SAMHD1: variants seen among roughly 807,000 people sequenced by gnomAD.
The protein encoded by SAMHD1 is deoxynucleoside triphosphate triphosphohydrolase SAMHD1.
Under a neutral mutation model 79.6 loss-of-function variants are expected in SAMHD1, and 54 were observed. That is an observed-to-expected ratio of 0.68 (90% confidence interval 0.55 to 0.85). The LOEUF (loss-of-function observed/expected upper bound fraction) is 0.85. Ranked by LOEUF, SAMHD1 falls within the 40% of genes least tolerant of loss-of-function variation. The pLI is 0.00. For synonymous variants in SAMHD1, 260 were observed against 264.1 expected (o/e 0.98, Z 0.15); for missense variants, 663 against 782.7 (o/e 0.85, Z 1.82).
At position 36,927,234 on chromosome 20, in the gene SAMHD1, T is replaced by C. The variant is rs772029258; in HGVS notation, c.644A>G (p.His215Arg). ...TGGAATAAATCGTCCATCAAACATG[T>C]GAGAAAATGGCCCATGACCTTAAAA... The part of the protein sequence containing the change: ...CHDLGHGPFS[H>R]MFDGRFIPLA... Residue 215 changes from histidine (H) to arginine (R), a missense_variant, in exon 6 of 16, where the codon CAC becomes CGC. His to Arg is a conservative substitution (Grantham distance 29). Coordinates refer to ENST00000646673, the MANE Select transcript of SAMHD1 (RefSeq NM_015474.4). 1 of 1,611,506 alleles carries C rather than the reference T, an allele frequency of 6.2e-7. No individual in the cohort carries two copies. The highest frequency in any genetic ancestry group is 1.1e-5 in the South Asian group (1 of 91,032).
chr20:36,924,665 T>C (rs1335344520), intron 6 of SAMHD1, among the ~76,000 whole-genome samples: 4 of 152,188 alleles, frequency 2.6e-5, no homozygotes, highest in Non-Finnish European at 5.9e-5. Context: ...ATTGCTGTTC[T>C]ATTTCAATGC....
intron 3 of SAMHD1, among the ~76,000 whole-genome samples, chr20:36,936,193 T>C (rs1000526140): frequency 6.6e-6 from 1 of 151,990 alleles, no homozygotes; most frequent in Admixed American, 6.6e-5. Context: ...TAACCTACTA[T>C]TGTGCCACAA....
chr20:36,947,085 C>T (rs150168125), intron 1 of SAMHD1: 2 of 334,404 alleles, frequency 6.0e-6, no homozygotes, highest in South Asian at 2.9e-5. Flanking sequence ...AAGTGAAACC[C>T]GACTACCTGT....
intron 2 of SAMHD1, among the ~76,000 whole-genome samples, chr20:36,943,817 C>G (rs1392523126): frequency 1.3e-5 from 2 of 152,092 alleles, no homozygotes; most frequent in Non-Finnish European, 2.9e-5. Context: ...CAGTGGCTCA[C>G]GCCTGTAATC....
rs116819100 is a variant in SAMHD1, at chr20:36,936,747, T to C, written c.349-1558A>G. Among the ~76,000 whole-genome samples the C allele has an allele frequency of 3.9e-3, 597 of 151,700 alleles. 2 individuals carry two copies. Among genetic ancestry groups the C allele is most frequent in the Middle Eastern group, 0.014 (4 of 290 alleles). On this transcript the variant is annotated intron_variant, in intron 3 of 15. Coordinates refer to ENST00000646673, the MANE Select transcript of SAMHD1 (RefSeq NM_015474.4). ...TAAGCTGGAGTACAATCAGGGCTCA[T>C]TGTAACCTCTGCCTCCCAAGTTCAA... is the stretch of plus-strand genomic sequence containing the variant.
intron 10 of SAMHD1, chr20:36,912,059 T>C (rs968170261): frequency 4.6e-5 from 11 of 239,846 alleles, no homozygotes; most frequent in Non-Finnish European, 8.3e-5. Context: ...AAATAGACAT[T>C]AATCTTAATC....
chr20:36,919,996 C>G (rs1233709719), intron 6 of SAMHD1, among the ~76,000 whole-genome samples: 1 of 152,156 alleles, frequency 6.6e-6, no homozygotes, highest in African/African-American at 2.4e-5. Context: ...TCTCTCTCTG[C>G]TCACTCATTC....
chr20:36,919,266 T>C, intron 7 of SAMHD1, 98 bp downstream of exon 7: 2 of 1,123,824 alleles, frequency 1.8e-6, no homozygotes, highest in Non-Finnish European at 2.7e-6. Context: ...TTTTATCATT[T>C]AGCCTCTAAA....
intron 3 of SAMHD1, 116 bp downstream of exon 3, chr20:36,940,923 C>G: frequency 2.6e-6 from 2 of 769,218 alleles, no homozygotes; most frequent in South Asian, 1.5e-5. Context: ...AGATCCACTA[C>G]TCACAATTCT....
intron 3 of SAMHD1, among the ~76,000 whole-genome samples, chr20:36,935,678 C>T (rs2063598526): frequency 1.3e-5 from 2 of 151,498 alleles, no homozygotes; most frequent in Non-Finnish European, 2.9e-5. Context: ...TCAAGCTATT[C>T]TCCTGCCTCA....
At chr20:36,900,747 T>A (rs552467175) in intron 13 of SAMHD1, among the ~76,000 whole-genome samples, 17 of 151,220 alleles carry the variant, frequency 1.1e-4, no homozygotes, top group South Asian at 2.1e-4. Context: ...TTTTTTTTTT[T>A]AATTTTAGTA....
At position 36,919,470 on chromosome 20, in the gene SAMHD1, C is replaced by G; in HGVS notation, c.746G>C (p.Gly249Ala). ...MMFEHLINSN[G>A]IKPVMEQYGL... Reference sequence around the variant, plus strand: ...ATATTGTTCCATGACAGGCTTAATTCCATTAGAATTAATAAGGTGCTCAAA... The same window carrying G: ...ATATTGTTCCATGACAGGCTTAATTGCATTAGAATTAATAAGGTGCTCAAA... Residue 249 changes from glycine (G) to alanine (A), a missense_variant, in exon 7 of 16, where the codon GGA becomes GCA. By Grantham distance (60) the Gly-to-Ala change is moderately conservative. Transcript: ENST00000646673. 6.2e-7 allele frequency: 1 copy of G among 1,613,568 alleles called. No individual in the cohort carries two copies. The highest frequency in any genetic ancestry group is 8.5e-7 in the Non-Finnish European group (1 of 1,179,728).
intron 15 of SAMHD1, 80 bp from the exon 16 acceptor site, chr20:36,893,146 G>GCGCAT: frequency 2.0e-6 from 3 of 1,536,542 alleles, no homozygotes; most frequent in South Asian, 2.2e-5. Flanking sequence ...AGTCTCAAGT[G>GCGCAT]CGCACATCCT....
intron 7 of SAMHD1, among the ~76,000 whole-genome samples, chr20:36,917,926 A>G (rs1358248994): frequency 6.6e-6 from 1 of 152,200 alleles, no homozygotes; most frequent in African/African-American, 2.4e-5. Context: ...TTTTAATTAA[A>G]AAAATACAAA....
chr20:36,924,282 A>C (rs1345505100), intron 6 of SAMHD1, among the ~76,000 whole-genome samples: 3 of 149,384 alleles, frequency 2.0e-5, no homozygotes, highest in Non-Finnish European at 4.5e-5. Flanking sequence ...GGGAAGGGGG[A>C]AGGGGAAAGA....
At chr20:36,897,726 T>C (rs1990222360) in intron 15 of SAMHD1, 96 bp downstream of exon 15, 2 of 1,370,054 alleles carry the variant, frequency 1.5e-6, no homozygotes, top group Non-Finnish European at 2.1e-6. Context: ...CAAATGACTA[T>C]AACTTAAATG....
At chr20:36,905,826 A>G (rs886905938) in intron 11 of SAMHD1, among the ~76,000 whole-genome samples, 9 of 152,114 alleles carry the variant, frequency 5.9e-5, no homozygotes, top group Admixed American at 5.9e-4. Context: ...CAAAAAAATT[A>G]GCTGGGTGTA....
chr20:36,922,876 T>C (rs2063514574), intron 6 of SAMHD1, among the ~76,000 whole-genome samples: 1 of 152,110 alleles, frequency 6.6e-6, no homozygotes, highest in African/African-American at 2.4e-5. Context: ...CTTGAACTCC[T>C]GGGCTCAAGC....
At chr20:36,901,060 A>G (rs1265642255) in intron 13 of SAMHD1, among the ~76,000 whole-genome samples, 2 of 152,220 alleles carry the variant, frequency 1.3e-5, no homozygotes, top group East Asian at 3.8e-4. Flanking sequence ...CATAAAGGAA[A>G]AAAAAGACAG....
Sources: allele counts gnomAD v4.1 joint callset (sites outside exome capture counted in the v4.1 genomes callset), GRCh38; gene constraint gnomAD v4.1.1; transcripts MANE v1.5; gene names NCBI Gene and HGNC (gene_info 2026-07-23, HGNC 2026-07-21).